The following NUF2 variants were observed in gnomAD, a reference collection of about 807,000 sequenced individuals.
NUF2 encodes the protein kinetochore protein Nuf2.
In NUF2, 34 loss-of-function variants were observed where a neutral mutation model predicts 61.8. The observed-to-expected ratio is 0.55, with a 90% CI of 0.42 to 0.73. The LOEUF is 0.73. Among genes scored for constraint, NUF2 ranks in the 30% least tolerant of loss-of-function variants. The pLI is 0.00. For synonymous variants in NUF2, 172 were observed against 181.6 expected (o/e 0.95, Z 0.42); for missense variants, 445 against 539.1 (o/e 0.83, Z 1.73).
At chr1:163,327,668 T>G (rs1225867599) in intron 3 of NUF2, 106 bp downstream of exon 3, 1 of 685,058 alleles carries the variant, frequency 1.5e-6, no homozygotes, top group African/African-American at 1.8e-5. Flanking sequence ...GGATAGGAAG[T>G]TCTTGACTTT....
Position 163,336,856 on chromosome 1 carries a change from T to A in NUF2, c.435+8T>A. On this transcript the variant is annotated splice_region_variant and intron_variant, in intron 6 of 13. Coordinates refer to ENST00000271452, the MANE Select transcript of NUF2 (RefSeq NM_145697.3). ...GAATTTCTTTGGCAATATGTAAGAT[T>A]TAAATATGTTTTGGGGTTACATGCC... 1 of 1,552,192 alleles carries A rather than the reference T, an allele frequency of 6.4e-7. No homozygotes were observed. The highest frequency in any genetic ancestry group is 1.1e-5 in the South Asian group (1 of 89,872).
chr1:163,355,546 A>G lies in NUF2; in HGVS notation c.*77A>G. On this transcript the variant is annotated 3_prime_UTR_variant, in exon 14 of 14. Coordinates refer to ENST00000271452, the MANE Select transcript of NUF2 (RefSeq NM_145697.3). ...TATTTAGAAAGAAAAGTTGAAGCGA[A>G]TGGAAGTATCAGAAGTACCAAATAA... The G allele has an allele frequency of 7.5e-7, 1 of 1,336,070 alleles. No individual in the cohort carries two copies. Among genetic ancestry groups the G allele is most frequent in the Non-Finnish European group, 1.0e-6 (1 of 972,050 alleles). 82.8% of individuals were successfully genotyped at this position (1,336,070 alleles called of 1,614,324 possible).
intron 2 of NUF2, among the ~76,000 whole-genome samples, chr1:163,327,206 T>C (rs1295947662): frequency 1.3e-5 from 2 of 151,848 alleles, no homozygotes; most frequent in Non-Finnish European, 2.9e-5. Context: ...TAACTCTTCT[T>C]CTTCTATTTC....
intron 5 of NUF2, among the ~76,000 whole-genome samples, chr1:163,332,087 T>C (rs1234492002): frequency 6.6e-6 from 1 of 152,050 alleles, no homozygotes; most frequent in African/African-American, 2.4e-5. Flanking sequence ...TAGATACCTT[T>C]CTTCTTTCCT....
At chr1:163,346,637 T>C (rs947356600) in intron 11 of NUF2, among the ~76,000 whole-genome samples, 9 of 152,278 alleles carry the variant, frequency 5.9e-5, no homozygotes, top group African/African-American at 2.2e-4. Context: ...GGAGGACCAT[T>C]GAGACCAAGA....
chr1:163,347,791 G>A lies in NUF2; in HGVS notation c.977G>A (p.Ser326Asn). 2 of 1,595,546 alleles carry A rather than the reference G, an allele frequency of 1.3e-6. No individual in the cohort carries two copies. Among genetic ancestry groups the A allele is most frequent in the South Asian group, 1.2e-5 (1 of 86,594 alleles). ...CTGAACTTGGAGGACCAAATTGAGA[G>A]TGATGAGTCAGAACTGAAGAAATTG... The part of the protein sequence containing the change: ...ESLNLEDQIE[S>N]DESELKKLKT... Residue 326 changes from serine to asparagine, a missense_variant, in exon 12 of 14, where the codon AGT (serine) becomes AAT (asparagine). By Grantham distance (46) the Ser-to-Asn change is conservative. Coordinates refer to ENST00000271452, the MANE Select transcript of NUF2 (RefSeq NM_145697.3).
intron 5 of NUF2, among the ~76,000 whole-genome samples, chr1:163,329,222 A>G (rs1374810236): frequency 6.6e-6 from 1 of 152,126 alleles, no homozygotes; most frequent in East Asian, 1.9e-4. Flanking sequence ...CATCATACCA[A>G]TTTTATCAAA....
In NUF2 at chr1:163,347,852, T is replaced by C. The variant is rs1214600964; in HGVS notation, c.1038T>C (p.Ile346=). The change falls in exon 12 of 14, where the codon ATT becomes ATC. Residue 346 remains isoleucine (I), a synonymous_variant. Coordinates refer to ENST00000271452, the MANE Select transcript of NUF2 (RefSeq NM_145697.3). ...AAAATTCGTTCAAAAGACTGATGATTGTGAAGAAGGAAAAACTTGCCACAG... is the reference window on the plus strand; with the variant it reads ...AAAATTCGTTCAAAAGACTGATGATCGTGAAGAAGGAAAAACTTGCCACAG... The part of the protein sequence containing the change: ...TEENSFKRLM[I]VKKEKLATAQ... The C allele has an allele frequency of 1.4e-5, 22 of 1,612,318 alleles. No homozygotes were observed. The highest frequency in any genetic ancestry group is 1.8e-5 in the Non-Finnish European group (21 of 1,179,298).
chr1:163,339,306 T>C, intron 7 of NUF2, 75 bp from the exon 8 acceptor site: 1 of 823,212 alleles, frequency 1.2e-6, no homozygotes, highest in East Asian at 2.5e-5. Context: ...TCATCTCAGT[T>C]ATTTGAGGAC....
chr1:163,355,278 T>A (rs1452834826), intron 13 of NUF2, 57 bp from the exon 14 acceptor site: 2 of 1,338,422 alleles, frequency 1.5e-6, no homozygotes, highest in African/African-American at 3.0e-5. Flanking sequence ...TTATAACTCA[T>A]TTGTAGTTTA....
At chr1:163,325,402 G>A (rs1160782353) in intron 1 of NUF2, among the ~76,000 whole-genome samples, 1 of 152,170 alleles carries the variant, frequency 6.6e-6, no homozygotes, top group Non-Finnish European at 1.5e-5. Context: ...GGGGGACACA[G>A]GTAGGAATAA....
intron 5 of NUF2, among the ~76,000 whole-genome samples, chr1:163,331,136 T>C (rs945365135): frequency 6.6e-6 from 1 of 151,726 alleles, no homozygotes; most frequent in South Asian, 2.1e-4. Context: ...GGGGAAACCA[T>C]TTAGTCTTTC....
In NUF2 at chr1:163,326,081, T is replaced by C. The variant is rs567182286; in HGVS notation, c.30T>C (p.Asn10=). 6.8e-6 allele frequency: 11 copies of C among 1,612,688 alleles called. No homozygotes were observed. The highest frequency in any genetic ancestry group is 3.3e-4 in the Middle Eastern group (2 of 6,050). Residue 10 remains asparagine (N), a synonymous_variant, in exon 2 of 14, where the codon AAT becomes AAC. Transcript: ENST00000271452. The part of the protein sequence containing the change: METLSFPRY[N]VAEIVIHIRN... ...AAACTTTGTCTTTCCCCAGATATAATGTAGCTGAGATTGTGATTCATATTC... is the reference window on the plus strand; with the variant it reads ...AAACTTTGTCTTTCCCCAGATATAACGTAGCTGAGATTGTGATTCATATTC...
chr1:163,331,564 A>C (rs573865251), intron 5 of NUF2, among the ~76,000 whole-genome samples: 1 of 152,128 alleles, frequency 6.6e-6, no homozygotes, highest in South Asian at 2.1e-4. Flanking sequence ...ATTGTTTTAT[A>C]AAATTTGTAT....
intron 5 of NUF2, among the ~76,000 whole-genome samples, chr1:163,329,203 T>C (rs530658303): frequency 1.2e-4 from 19 of 152,142 alleles, no homozygotes; most frequent in Non-Finnish European, 2.1e-4. Context: ...TGATTTTGCA[T>C]AGTGGATTCA....
At chr1:163,330,956 T>C (rs765500949) in intron 5 of NUF2, among the ~76,000 whole-genome samples, 3 of 151,608 alleles carry the variant, frequency 2.0e-5, no homozygotes, top group Non-Finnish European at 4.4e-5. Context: ...TCCTTAGGAT[T>C]TTCCTTATTG....
In NUF2 at chr1:163,339,372, T is replaced by C. The variant is rs747749331; in HGVS notation, c.510-9T>C. On this transcript the variant is annotated splice_polypyrimidine_tract_variant and intron_variant, in intron 7 of 13. Coordinates refer to ENST00000271452, the MANE Select transcript of NUF2 (RefSeq NM_145697.3). Reference sequence around the variant, plus strand: ...AGAGCAGTATTTTAATCTATTTTGCTGTGTTAAGTTCTGTTCCAGTTGAAG... The same window carrying C: ...AGAGCAGTATTTTAATCTATTTTGCCGTGTTAAGTTCTGTTCCAGTTGAAG... 1 of 1,569,918 alleles carries C rather than the reference T, an allele frequency of 6.4e-7. No individual in the cohort carries two copies. Among genetic ancestry groups the C allele is most frequent in the Non-Finnish European group, 8.8e-7 (1 of 1,142,232 alleles).
At chr1:163,337,512 T>C (rs940718288) in intron 6 of NUF2, among the ~76,000 whole-genome samples, 4 of 152,082 alleles carry the variant, frequency 2.6e-5, no homozygotes, top group African/African-American at 9.6e-5. Context: ...ATGCTAACCT[T>C]ATAACTCCTA....
intron 13 of NUF2, among the ~76,000 whole-genome samples, chr1:163,351,487 T>C (rs962206070): frequency 6.6e-6 from 1 of 152,216 alleles, no homozygotes; most frequent in Non-Finnish European, 1.5e-5. Context: ...TCTTCCACCT[T>C]AACTATTTCT....
Sources: allele counts gnomAD v4.1 joint callset (sites outside exome capture counted in the v4.1 genomes callset), GRCh38; gene constraint gnomAD v4.1.1; transcripts MANE v1.5; gene names NCBI Gene and HGNC (gene_info 2026-07-23, HGNC 2026-07-21).